The following CHST9 variants were observed in gnomAD, a reference collection of about 807,000 sequenced individuals.
CHST9 encodes the protein GalNAc-4-sulfotransferase 2.
CHST9 carries 41 observed loss-of-function variants against 44.4 expected under a neutral mutation model. The observed-to-expected ratio is 0.92, with a 90% CI of 0.72 to 1.20. CHST9 has a LOEUF of 1.20. Among genes scored for constraint, CHST9 ranks in the 50% most tolerant of loss-of-function variants. The pLI is 0.00. For missense variants in CHST9, 504 were observed against 516.5 expected, an observed-to-expected ratio of 0.98 and a Z score of 0.23; for synonymous variants, 171 against 178.4, an observed-to-expected ratio of 0.96 and a Z score of 0.33.
intron 3 of CHST9, among the ~76,000 whole-genome samples, chr18:27,037,573 G>A (rs1229889780): frequency 2.0e-5 from 3 of 152,260 alleles, no homozygotes; most frequent in East Asian, 1.9e-4. Flanking sequence ...ACGCTTGTGT[G>A]TCCTTGCTAC....
At chr18:27,018,194 G>A (rs1568135020) in intron 4 of CHST9, among the ~76,000 whole-genome samples, 1 of 152,148 alleles carries the variant, frequency 6.6e-6, no homozygotes, top group Non-Finnish European at 1.5e-5. Context: ...ACTTTTGAGT[G>A]TTGTCATGAT....
chr18:27,082,512 C>T (rs1385929164), intron 2 of CHST9, among the ~76,000 whole-genome samples: 2 of 152,160 alleles, frequency 1.3e-5, no homozygotes, highest in East Asian at 3.9e-4. Context: ...TTCTCCCATC[C>T]TCAGTGTAGC....
intron 5 of CHST9, among the ~76,000 whole-genome samples, chr18:26,942,554 A>T (rs1242143261): frequency 6.6e-6 from 1 of 152,202 alleles, no homozygotes; most frequent in Non-Finnish European, 1.5e-5. Context: ...GCTAAACGTA[A>T]AAAGAAGCTA....
chr18:27,103,028 C>G (rs1223199259), intron 2 of CHST9, among the ~76,000 whole-genome samples: 1 of 151,988 alleles, frequency 6.6e-6, no homozygotes, highest in Non-Finnish European at 1.5e-5. Flanking sequence ...TTGTTGTTGC[C>G]CAAGTCTTCA....
At chr18:27,183,106 T>G (rs985635567) in intron 1 of CHST9, among the ~76,000 whole-genome samples, 1 of 137,680 alleles carries the variant, frequency 7.3e-6, no homozygotes, top group African/African-American at 2.6e-5. Context: ...TTCTCTCTGT[T>G]AACAAAAAGG....
intron 5 of CHST9, chr18:26,924,949 G>C (rs1354698615): frequency 6.6e-6 from 1 of 152,142 alleles, no homozygotes; most frequent in African/African-American, 2.4e-5. Flanking sequence ...CGTGTTTTCT[G>C]AGCACAAACT....
intron 5 of CHST9, among the ~76,000 whole-genome samples, chr18:26,933,915 T>G (rs781500500): frequency 6.6e-6 from 1 of 151,838 alleles, no homozygotes; most frequent in Non-Finnish European, 1.5e-5. Context: ...CCAAGGAAGA[T>G]CTCTCTGAGG....
intron 3 of CHST9, among the ~76,000 whole-genome samples, chr18:27,028,692 C>A (rs183522318): frequency 5.6e-4 from 85 of 152,162 alleles, no homozygotes; most frequent in African/African-American, 1.9e-3. Flanking sequence ...GGACTACAGG[C>A]GCCCACCACC....
At chr18:27,155,209 G>T (rs551256002) in intron 1 of CHST9, among the ~76,000 whole-genome samples, 40 of 151,492 alleles carry the variant, frequency 2.6e-4, no homozygotes, top group Non-Finnish European at 4.7e-4. Context: ...AAAATATTTA[G>T]AAGAATGCTT....
At chr18:26,970,687 CA>C (rs1381240592) in intron 4 of CHST9, among the ~76,000 whole-genome samples, 1 of 152,226 alleles carries the variant, frequency 6.6e-6, no homozygotes, top group African/African-American at 2.4e-5. Flanking sequence ...CTCGGCCTCC[CA>C]AAGTGCTGGG....
In CHST9 at chr18:27,109,481, G is replaced by A. The variant is rs1193052418; in HGVS notation, c.121+33208C>T. On this transcript the variant is annotated intron_variant, in intron 2 of 5. Coordinates refer to ENST00000618847, the MANE Select transcript of CHST9 (RefSeq NM_031422.6). ...AAGTGATATAGCTGCTGTCTTGAGCGTAGAGAGGAAAGGGCATGCAGCCAC... is the reference window on the plus strand; with the variant it reads ...AAGTGATATAGCTGCTGTCTTGAGCATAGAGAGGAAAGGGCATGCAGCCAC... Among the ~76,000 whole-genome samples, 6 of 152,194 alleles carry A rather than the reference G, an allele frequency of 3.9e-5. No homozygotes were observed. In the East Asian group the frequency reaches 5.8e-4, roughly 15 times the overall value.
At chr18:26,950,073 G>A (rs335924) in intron 4 of CHST9, among the ~76,000 whole-genome samples, 100,243 of 152,082 alleles carry the variant, frequency 0.66, 33,678 homozygotes, top group African/African-American at 0.79. Context: ...TTAAGCCACA[G>A]AGTTTTTGGT....
intron 2 of CHST9, among the ~76,000 whole-genome samples, chr18:27,061,551 C>A (rs1386405734): frequency 1.3e-5 from 2 of 152,146 alleles, no homozygotes; most frequent in African/African-American, 4.8e-5. Flanking sequence ...AGACCATGCA[C>A]TGAGTACCTG....
rs181059609 is a variant in CHST9 at position 26,946,702 on chromosome 18, G to A, written c.203-2336C>T. Among the ~76,000 whole-genome samples the A allele has an allele frequency of 2.6e-3, 393 of 152,278 alleles. 2 individuals are homozygous for A. The highest frequency in any genetic ancestry group is 9.0e-3 in the African/African-American group (372 of 41,560). ...TCTTGAGTTAATTTTTGTATAAGGT[G>A]TAAGGAAGGGGTCCAGTTTCTGTTT... On this transcript the variant is annotated intron_variant, in intron 4 of 5. Coordinates refer to ENST00000618847, the MANE Select transcript of CHST9 (RefSeq NM_031422.6).
chr18:27,149,599 C>CT (rs60489244), intron 1 of CHST9, among the ~76,000 whole-genome samples: 80,706 of 142,852 alleles, frequency 0.56, 22,752 homozygotes, highest in East Asian at 0.77. Flanking sequence ...CTATTTTCAG[C>CT]TTTTTTTTTT....
chr18:27,012,021 G>C (rs2057090914), intron 4 of CHST9, among the ~76,000 whole-genome samples: 1 of 152,160 alleles, frequency 6.6e-6, no homozygotes. Flanking sequence ...TTGTGCTTTG[G>C]TCCATGCAAG....
At chr18:26,998,657 C>G (rs113067088) in intron 4 of CHST9, among the ~76,000 whole-genome samples, 3 of 147,686 alleles carry the variant, frequency 2.0e-5, no homozygotes, top group Non-Finnish European at 4.4e-5. Context: ...ACCTGGGAGG[C>G]GGAAGCTGCA....
chr18:27,164,291 T>C (rs1000242607), intron 1 of CHST9, among the ~76,000 whole-genome samples: 1 of 147,600 alleles, frequency 6.8e-6, no homozygotes, highest in African/African-American at 2.5e-5. Flanking sequence ...GGAAAGGCCC[T>C]ATGTTTAATA....
chr18:27,054,609 A>G (rs2057630737), intron 2 of CHST9, among the ~76,000 whole-genome samples: 1 of 152,200 alleles, frequency 6.6e-6, no homozygotes, highest in African/African-American at 2.4e-5. Flanking sequence ...ATGGAGAAAT[A>G]TTACATATAT....
Sources: allele counts gnomAD v4.1 joint callset (sites outside exome capture counted in the v4.1 genomes callset), GRCh38; gene constraint gnomAD v4.1.1; transcripts MANE v1.5; gene names NCBI Gene and HGNC (gene_info 2026-07-23, HGNC 2026-07-21).